Variants in KCNQ3 observed in about 807,000 individuals in gnomAD.
KCNQ3 encodes potassium voltage-gated channel subfamily KQT member 3.
In KCNQ3, 30 loss-of-function variants were observed where a neutral mutation model predicts 92.5. That is an observed-to-expected ratio of 0.32 (90% CI 0.24 to 0.44). KCNQ3 has a LOEUF of 0.44. Ranked by LOEUF, KCNQ3 falls within the 20% of genes least tolerant of loss-of-function variation. The pLI, the probability that KCNQ3 is intolerant of heterozygous loss-of-function variation, is 1.00. For missense variants in KCNQ3, 913 were observed against 1,140.3 expected, an observed-to-expected ratio of 0.80 and a Z score of 2.87; for synonymous variants, 450 against 468.8, an observed-to-expected ratio of 0.96 and a Z score of 0.52.
intron 1 of KCNQ3, among the ~76,000 whole-genome samples, chr8:132,343,160 T>G (rs575633360): frequency 1.3e-5 from 2 of 152,364 alleles, no homozygotes; most frequent in South Asian, 4.1e-4. Context: ...GCTACTCTCG[T>G]GGTGAATCAC....
intron 1 of KCNQ3, among the ~76,000 whole-genome samples, chr8:132,289,530 TTCTA>T (rs1816782010): frequency 6.6e-6 from 1 of 152,164 alleles, no homozygotes; most frequent in Admixed American, 6.5e-5. Context: ...CCTTTTTCTC[TTCTA>T]TCTGTGTGTC....
chr8:132,237,365 G>A (rs35771927), intron 1 of KCNQ3, among the ~76,000 whole-genome samples: 87,331 of 151,568 alleles, frequency 0.58, 25,828 homozygotes, highest in East Asian at 0.77. Context: ...CATATAATAT[G>A]TCAGTTGATT....
intron 10 of KCNQ3, chr8:132,140,865 C>T (rs1825272088): frequency 5.9e-6 from 3 of 510,810 alleles, no homozygotes; most frequent in South Asian, 4.3e-5. Flanking sequence ...GGGGTCGGGG[C>T]GGACCCTTAG....
intron 1 of KCNQ3, among the ~76,000 whole-genome samples, chr8:132,476,264 GA>G (rs1007529165): frequency 6.6e-6 from 1 of 152,206 alleles, no homozygotes; most frequent in Non-Finnish European, 1.5e-5. Flanking sequence ...TGTGAGGTTG[GA>G]ACCCCCACAC....
At chr8:132,235,851 C>A (rs923619243) in intron 1 of KCNQ3, among the ~76,000 whole-genome samples, 2 of 152,180 alleles carry the variant, frequency 1.3e-5, no homozygotes, top group African/African-American at 4.8e-5. Context: ...AATAAGTTAG[C>A]ACCTTTCTAA....
chr8:132,209,897 T>C (rs1813797657), intron 1 of KCNQ3, among the ~76,000 whole-genome samples: 3 of 152,206 alleles, frequency 2.0e-5, no homozygotes, highest in Admixed American at 2.0e-4. Flanking sequence ...AGTGGGCCTC[T>C]GTGTATGTTT....
At chr8:132,303,657 G>GTT in intron 1 of KCNQ3, among the ~76,000 whole-genome samples, 1 of 66,376 alleles carries the variant, frequency 1.5e-5, no homozygotes, top group African/African-American at 5.8e-5. Flanking sequence ...ATATATTTAT[G>GTT]GTGTGTGTGT....
intron 1 of KCNQ3, among the ~76,000 whole-genome samples, chr8:132,409,688 A>G (rs1049456373): frequency 1.3e-5 from 2 of 152,142 alleles, no homozygotes; most frequent in African/African-American, 4.8e-5. Context: ...CTCACCATTT[A>G]TCCCTGGATT....
intron 1 of KCNQ3, among the ~76,000 whole-genome samples, chr8:132,414,705 CT>C (rs141116093): frequency 0.029 from 4,367 of 152,260 alleles, 192 homozygotes; most frequent in African/African-American, 0.099. Flanking sequence ...TGGCATGATC[CT>C]TTTAGGAGAA....
chr8:132,237,684 G>C (rs1814861335), intron 1 of KCNQ3, among the ~76,000 whole-genome samples: 3 of 152,170 alleles, frequency 2.0e-5, no homozygotes, highest in Non-Finnish European at 4.4e-5. Flanking sequence ...CTTAAGGCTG[G>C]ATGAAAGGTG....
At chr8:132,222,401 G>T (rs188481476) in intron 1 of KCNQ3, among the ~76,000 whole-genome samples, 1 of 152,206 alleles carries the variant, frequency 6.6e-6, no homozygotes, top group Non-Finnish European at 1.5e-5. Flanking sequence ...GAGTGAGTGC[G>T]TATATAGTAA....
chr8:132,315,813 A>G (rs1817727586), intron 1 of KCNQ3, among the ~76,000 whole-genome samples: 1 of 152,212 alleles, frequency 6.6e-6, no homozygotes. Context: ...CACTCTATGT[A>G]TTATTAAACT....
chr8:132,332,742 A>T (rs980611073), intron 1 of KCNQ3, among the ~76,000 whole-genome samples: 2 of 152,194 alleles, frequency 1.3e-5, no homozygotes, highest in African/African-American at 4.8e-5. Context: ...TGCCCTCCAC[A>T]TGGAATTCCC....
intron 1 of KCNQ3, among the ~76,000 whole-genome samples, chr8:132,219,554 G>C (rs752314205): frequency 6.6e-6 from 1 of 151,864 alleles, no homozygotes; most frequent in South Asian, 2.1e-4. Flanking sequence ...AAACTTCCCT[G>C]CTGTTCTCTC....
At chr8:132,328,051 T>A (rs570771458) in intron 1 of KCNQ3, among the ~76,000 whole-genome samples, 8 of 152,270 alleles carry the variant, frequency 5.3e-5, no homozygotes, top group African/African-American at 1.9e-4. Flanking sequence ...GCAGGATGCC[T>A]GCTCTCTGCA....
chr8:132,373,208 G>A (rs1345892550), intron 1 of KCNQ3, among the ~76,000 whole-genome samples: 2 of 152,046 alleles, frequency 1.3e-5, no homozygotes, highest in Admixed American at 6.6e-5. Context: ...GCCACCTGCG[G>A]TCTGAACACA....
chr8:132,149,779 G>T (rs1825578266), intron 9 of KCNQ3, among the ~76,000 whole-genome samples: 1 of 152,108 alleles, frequency 6.6e-6, no homozygotes, highest in Non-Finnish European at 1.5e-5. Flanking sequence ...TGTGTGTGCA[G>T]TGTCCAACGG....
chr8:132,480,114 C>T, intron 1 of KCNQ3, 33 bp downstream of exon 1: 4 of 1,600,166 alleles, frequency 2.5e-6, no homozygotes, highest in Non-Finnish European at 3.4e-6. Context: ...AGCGCGCCGC[C>T]GCCGAGGGCG....
At position 132,125,341 on chromosome 8, in the gene KCNQ3, C is replaced by A. The variant is rs1824631542; in HGVS notation, c.*3921G>T. 6.6e-6 allele frequency: 1 copy of A among 152,178 alleles called. No individual in the cohort carries two copies. The highest frequency in any genetic ancestry group is 1.5e-5 in the Non-Finnish European group (1 of 68,032). 9.4% of individuals were successfully genotyped at this position (152,178 alleles called of 1,614,324 possible). ...ATAGTTTCCAAGCTAGGAAGCATTT[C>A]TGTCTGTATAGAGTTGTTTGCAGGG... is the stretch of plus-strand genomic sequence containing the variant. On this transcript the variant is annotated 3_prime_UTR_variant, in exon 15 of 15. Transcript: ENST00000388996.
Sources: gnomAD v4.1 joint callset for allele counts (sites outside exome capture counted in the v4.1 genomes callset) on GRCh38, gnomAD v4.1.1 for gene constraint, MANE v1.5 for transcripts, NCBI Gene and HGNC (gene_info 2026-07-23, HGNC 2026-07-21) for gene names.